PLCB1: variants seen among roughly 807,000 people sequenced by gnomAD.
The protein encoded by PLCB1 is phospholipase C beta 1, also known as 1-phosphatidylinositol 4,5-bisphosphate phosphodiesterase beta-1.
A neutral mutation model predicts 161.8 loss-of-function variants in PLCB1; 46 were observed. The ratio of observed to expected loss-of-function variants is 0.28; its 90% CI spans 0.22 to 0.36. The LOEUF (loss-of-function observed/expected upper bound fraction) is 0.36, where lower values mean the gene tolerates loss of function less well. Ranked by LOEUF, PLCB1 falls within the 10% of genes least tolerant of loss-of-function variation. The probability of loss-of-function intolerance (pLI) is 1.00; values close to 1 mark genes in which losing one functional copy is unlikely to be tolerated. For synonymous variants in PLCB1, 517 were observed against 503.7 expected (o/e 1.03, Z -0.35); for missense variants, 1,016 against 1,472.5 (o/e 0.69, Z 5.07).
intron 2 of PLCB1, among the ~76,000 whole-genome samples, chr20:8,276,915 C>T (rs868230462): frequency 1.6e-4 from 24 of 150,134 alleles, no homozygotes; most frequent in African/African-American, 4.7e-4. Context: ...GTAGCTTCTT[C>T]GTCTTCTTCT....
At chr20:8,315,736 C>T (rs1192923015) in intron 2 of PLCB1, among the ~76,000 whole-genome samples, 1 of 152,028 alleles carries the variant, frequency 6.6e-6, no homozygotes, top group Non-Finnish European at 1.5e-5. Flanking sequence ...GCTATTCTGC[C>T]CCAAGACAGC....
chr20:8,270,186 A>G (rs1471359912), intron 2 of PLCB1, among the ~76,000 whole-genome samples: 1 of 152,198 alleles, frequency 6.6e-6, no homozygotes, highest in Non-Finnish European at 1.5e-5. Flanking sequence ...AGATTCACAC[A>G]CTTGTGCTAA....
intron 2 of PLCB1, among the ~76,000 whole-genome samples, chr20:8,341,741 A>G (rs926177863): frequency 2.6e-5 from 4 of 152,210 alleles, no homozygotes; most frequent in African/African-American, 9.6e-5. Context: ...AGTTTGTAAC[A>G]ATTGCACATT....
At chr20:8,168,011 A>G (rs933681679) in intron 2 of PLCB1, among the ~76,000 whole-genome samples, 1 of 152,066 alleles carries the variant, frequency 6.6e-6, no homozygotes, top group African/African-American at 2.4e-5. Context: ...GCTGACTTGT[A>G]TCTGTCCCAT....
chr20:8,348,588 A>G (rs985892076), intron 2 of PLCB1, among the ~76,000 whole-genome samples: 1 of 152,156 alleles, frequency 6.6e-6, no homozygotes, highest in African/African-American at 2.4e-5. Flanking sequence ...TGTCAGAGAG[A>G]AAAAGCTGAG....
At chr20:8,711,231 C>A (rs1275659583) in intron 12 of PLCB1, among the ~76,000 whole-genome samples, 1 of 152,178 alleles carries the variant, frequency 6.6e-6, no homozygotes, top group African/African-American at 2.4e-5. Flanking sequence ...TAAACAGAAG[C>A]ATCAGGAGCC....
intron 2 of PLCB1, among the ~76,000 whole-genome samples, chr20:8,253,692 A>C (rs928397869): frequency 1.3e-5 from 2 of 151,942 alleles, no homozygotes; most frequent in East Asian, 3.9e-4. Flanking sequence ...TTGCCTAATG[A>C]TGAGGTTTTG....
At chr20:8,391,798 T>TCAAGTA (rs1452553410) in intron 3 of PLCB1, among the ~76,000 whole-genome samples, 1 of 126,568 alleles carries the variant, frequency 7.9e-6, no homozygotes, top group Non-Finnish European at 1.6e-5. Flanking sequence ...TATATATATA[T>TCAAGTA]ATATATATAT....
chr20:8,436,459 A>C (rs1980315591), intron 3 of PLCB1, among the ~76,000 whole-genome samples: 1 of 151,158 alleles, frequency 6.6e-6, no homozygotes. Context: ...GACAACAAAC[A>C]CTTCAGGTTT....
At chr20:8,427,058 C>T (rs181177542) in intron 3 of PLCB1, among the ~76,000 whole-genome samples, 7 of 152,110 alleles carry the variant, frequency 4.6e-5, no homozygotes, top group African/African-American at 1.7e-4. Context: ...ATTACAGGCA[C>T]CTGCTACCAC....
Position 8,611,003 on chromosome 20 carries a change from C to T in PLCB1, c.247-17291C>T, listed in dbSNP as rs1987890015. On this transcript the variant is annotated intron_variant, in intron 3 of 31. Transcript: ENST00000338037. ...AGAAAAATCTTAAATAAATGGTAAA[C>T]TATAAATATCTAAGAAATGTATCTC... Among the ~76,000 whole-genome samples, 3 of 152,066 alleles carry T rather than the reference C, an allele frequency of 2.0e-5. No individual in the cohort carries two copies. The South Asian group carries it at 6.2e-4, about 32-fold the overall frequency.
intron 3 of PLCB1, among the ~76,000 whole-genome samples, chr20:8,604,252 CAA>C (rs34186286): frequency 4.3e-3 from 223 of 51,370 alleles, no homozygotes; most frequent in African/African-American, 0.012. Context: ...GGCCCTGTCT[CAA>C]AAAAAAAAAA....
intron 2 of PLCB1, among the ~76,000 whole-genome samples, chr20:8,188,622 A>T (rs989794341): frequency 2.6e-5 from 4 of 152,142 alleles, no homozygotes; most frequent in African/African-American, 9.7e-5. Flanking sequence ...CCATCAATTT[A>T]TAAACTTCCA....
chr20:8,134,248 A>T, intron 1 of PLCB1, among the ~76,000 whole-genome samples: 1 of 152,250 alleles, frequency 6.6e-6, no homozygotes, highest in Non-Finnish European at 1.5e-5. Context: ...GCAGTTCAGC[A>T]ATAAACAAGA....
At chr20:8,290,899 A>T (rs771468121) in intron 2 of PLCB1, among the ~76,000 whole-genome samples, 1 of 152,132 alleles carries the variant, frequency 6.6e-6, no homozygotes, top group African/African-American at 2.4e-5. Flanking sequence ...AATTATAACT[A>T]TAAATTATAT....
At chr20:8,613,095 G>A (rs1987947638) in intron 3 of PLCB1, among the ~76,000 whole-genome samples, 1 of 152,116 alleles carries the variant, frequency 6.6e-6, no homozygotes, top group Non-Finnish European at 1.5e-5. Flanking sequence ...TACATGAAAT[G>A]TGTAAATGCT....
chr20:8,433,933 TA>T (rs1568674233), intron 3 of PLCB1, among the ~76,000 whole-genome samples: 2 of 150,550 alleles, frequency 1.3e-5, no homozygotes, highest in African/African-American at 2.4e-5. Context: ...TTCTTTCTAT[TA>T]AAAAAACATG....
At chr20:8,229,599 A>G (rs1007405723) in intron 2 of PLCB1, among the ~76,000 whole-genome samples, 4 of 152,196 alleles carry the variant, frequency 2.6e-5, no homozygotes, top group African/African-American at 7.2e-5. Flanking sequence ...ACTATATTGG[A>G]CATCACAGAT....
intron 2 of PLCB1, among the ~76,000 whole-genome samples, chr20:8,333,569 G>C (rs1738752236): frequency 6.6e-6 from 1 of 152,116 alleles, no homozygotes; most frequent in African/African-American, 2.4e-5. Context: ...ACTTATGAGA[G>C]GTTGCTACTA....
Sources: gnomAD v4.1 joint callset for allele counts (sites outside exome capture counted in the v4.1 genomes callset) on GRCh38, gnomAD v4.1.1 for gene constraint, MANE v1.5 for transcripts, NCBI Gene and HGNC (gene_info 2026-07-23, HGNC 2026-07-21) for gene names.